Variants in PLEKHG4B observed in about 807,000 individuals in gnomAD.
The protein encoded by PLEKHG4B is pleckstrin homology domain-containing family G member 4B.
PLEKHG4B carries 111 observed loss-of-function variants against 121.3 expected under a neutral mutation model. The ratio of observed to expected loss-of-function variants is 0.92; its 90% CI spans 0.78 to 1.07. The LOEUF (loss-of-function observed/expected upper bound fraction) is 1.07, where lower values mean the gene tolerates loss of function less well. PLEKHG4B is among the 50% of genes least tolerant of loss of function. The probability of loss-of-function intolerance (pLI) is 0.00; values close to 1 mark genes in which losing one functional copy is unlikely to be tolerated. For synonymous variants in PLEKHG4B, 738 were observed against 725.0 expected (o/e 1.02, Z -0.29); for missense variants, 1,831 against 1,757.8 (o/e 1.04, Z -0.74).
rs1308046799 is a variant in PLEKHG4B at position 182,761 on chromosome 5, C to T, written c.*438C>T. 1 of 184,778 alleles carries T rather than the reference C, an allele frequency of 5.4e-6. No individual in the cohort carries two copies. Among genetic ancestry groups the T allele is most frequent in the Non-Finnish European group, 1.2e-5 (1 of 85,860 alleles). The allele number at this position is 184,778 out of a possible 1,614,324, so 11.4% of individuals were successfully genotyped here. A position where few individuals can be genotyped will look rare whatever the true frequency, so the allele number is the denominator to read the frequency against. The stretch of plus-strand genomic sequence containing the variant: ...GTGCAGGGAGGGGCCCAGGAAGAGC[C>T]CAGCAGCCTCCGTGAGTTGAAGAGA... On this transcript the variant is annotated 3_prime_UTR_variant, in exon 20 of 20. Transcript: ENST00000637938.
chr5:98,837 C>CTTTTTTTTTTTTTTTTTTTTT (rs925964165), intron 1 of PLEKHG4B, among the ~76,000 whole-genome samples: 1 of 79,298 alleles, frequency 1.3e-5, no homozygotes, highest in African/African-American at 5.2e-5. Flanking sequence ...TTGAATTTTC[C>CTTTTTTTTTTTTTTTTTTTTT]TTTTTTTTTT....
chr5:103,387 C>G (rs1733879774), intron 1 of PLEKHG4B, among the ~76,000 whole-genome samples: 1 of 152,082 alleles, frequency 6.6e-6, no homozygotes, highest in Non-Finnish European at 1.5e-5. Context: ...GGTATAGTGA[C>G]CCCCACTCTG....
chr5:181,432 G>A, intron 18 of PLEKHG4B, 82 bp from the exon 19 acceptor site: 1 of 1,437,488 alleles, frequency 7.0e-7, no homozygotes, highest in Non-Finnish European at 9.6e-7. Flanking sequence ...TTGGGCTGAG[G>A]GCATTAGGGG....
At chr5:130,066 A>AGAG (rs201171180) in intron 2 of PLEKHG4B, among the ~76,000 whole-genome samples, 1 of 152,020 alleles carries the variant, frequency 6.6e-6, no homozygotes, top group African/African-American at 2.4e-5. Flanking sequence ...ATATGAAGAG[A>AGAG]GAGTGAGAGA....
chr5:142,738 C>T (rs1428329139), intron 3 of PLEKHG4B, among the ~76,000 whole-genome samples: 2 of 152,232 alleles, frequency 1.3e-5, no homozygotes, highest in East Asian at 1.9e-4. Flanking sequence ...TGCAGTCACG[C>T]ATGCTGCACT....
At chr5:147,438 G>A (rs1175779757) in intron 6 of PLEKHG4B, among the ~76,000 whole-genome samples, 1 of 152,232 alleles carries the variant, frequency 6.6e-6, no homozygotes, top group South Asian at 2.1e-4. Context: ...GCTAGGGGAG[G>A]AAACAGAGCT....
Position 157,406 on chromosome 5 carries a change from G to C in PLEKHG4B, c.2487+495G>C, listed in dbSNP as rs1326664850. ...AAGAAAAGAGGACAAATCGGGAGGG[G>C]GTGATGACGGAAGTGGCTTTTCATG... On this transcript the variant is annotated intron_variant, in intron 11 of 19. Coordinates refer to ENST00000637938, the MANE Select transcript of PLEKHG4B (RefSeq NM_052909.5). This position sits in a 1 kb window ranked among gnomAD's most constrained non-coding sequence, Gnocchi z 4.6. 6.6e-6 allele frequency among the ~76,000 whole-genome samples: 1 copy of C among 152,146 alleles called. No homozygotes were observed. Among genetic ancestry groups the C allele is most frequent in the Non-Finnish European group, 1.5e-5 (1 of 68,042 alleles).
chr5:122,417 A>G (rs1305750163), intron 2 of PLEKHG4B, among the ~76,000 whole-genome samples: 1 of 151,636 alleles, frequency 6.6e-6, no homozygotes, highest in Non-Finnish European at 1.5e-5. Context: ...TTATTTATTT[A>G]TTTATTTATT....
chr5:105,422 T>C (rs1478329717), intron 1 of PLEKHG4B, among the ~76,000 whole-genome samples: 3 of 152,274 alleles, frequency 2.0e-5, no homozygotes, highest in African/African-American at 7.2e-5. Context: ...AGAAACCATA[T>C]TGATGATTTA....
chr5:144,708 A>G (rs1579285654), intron 5 of PLEKHG4B, 119 bp from the exon 6 acceptor site: 2 of 795,144 alleles, frequency 2.5e-6, no homozygotes, highest in Admixed American at 4.8e-5. Context: ...TGTATAGAGA[A>G]CCCCTAACTT....
intron 16 of PLEKHG4B, among the ~76,000 whole-genome samples, chr5:172,582 G>C (rs938360070): frequency 6.6e-6 from 1 of 152,208 alleles, no homozygotes; most frequent in Non-Finnish European, 1.5e-5. Context: ...GGGAACGGGG[G>C]CCGGGGTGGG....
intron 18 of PLEKHG4B, chr5:179,455 C>T (rs1217060177): frequency 6.6e-6 from 1 of 152,668 alleles, no homozygotes; most frequent in Non-Finnish European, 1.5e-5. Flanking sequence ...CCCCCACATA[C>T]TGAAGGACCT....
intron 13 of PLEKHG4B, among the ~76,000 whole-genome samples, chr5:166,385 G>C (rs1214227505): frequency 2.7e-4 from 20 of 74,826 alleles, no homozygotes; most frequent in Non-Finnish European, 4.3e-4. Context: ...GGGGCTCACA[G>C]TAATCCTCTG....
In PLEKHG4B at chr5:184,004, G is replaced by GATAGATAGAT. The variant is rs1733530946; in HGVS notation, c.*1683_*1692dup. 1.3e-5 allele frequency: 2 copies of GATAGATAGAT among 151,276 alleles called. No homozygotes were observed. Among genetic ancestry groups the GATAGATAGAT allele is most frequent in the African/African-American group, 4.9e-5 (2 of 40,898 alleles). The allele number at this position is 151,276 out of a possible 1,614,324, so 9.4% of individuals were successfully genotyped here. On this transcript the variant is annotated 3_prime_UTR_variant, in exon 20 of 20. Coordinates refer to ENST00000637938, the MANE Select transcript of PLEKHG4B (RefSeq NM_052909.5). ...AGATAGATAGATCGATAGATAGATAGATAGATAGATAGATAGATAGATAGA... is the reference window on the plus strand; with the variant it reads ...AGATAGATAGATCGATAGATAGATAGATAGATAGATATAGATAGATAGATAGATAGATAGA...
intron 2 of PLEKHG4B, among the ~76,000 whole-genome samples, chr5:126,954 A>G (rs1340170358): frequency 6.6e-6 from 1 of 152,154 alleles, no homozygotes; most frequent in Non-Finnish European, 1.5e-5. Context: ...CAGGTGTGAC[A>G]TTTACATAGT....
At chr5:160,435 C>T (rs1270526532) in intron 11 of PLEKHG4B, among the ~76,000 whole-genome samples, 1 of 152,238 alleles carries the variant, frequency 6.6e-6, no homozygotes, top group Non-Finnish European at 1.5e-5. Context: ...CCGCACCTGC[C>T]TCCCGCCGGC....
In PLEKHG4B at chr5:173,953, C is replaced by T. The variant is rs1391463861; in HGVS notation, c.4257C>T (p.Asp1419=). The part of the protein sequence containing the change: ...AEIGMTENVG[D]SGLRFEIWFR... ...TCGGGATGACAGAGAACGTCGGGGACAGTGGCTTGAGGTTTGAGATTTGGT... is the reference window on the plus strand; with the variant it reads ...TCGGGATGACAGAGAACGTCGGGGATAGTGGCTTGAGGTTTGAGATTTGGT... Residue 1419 remains aspartate, a synonymous_variant, in exon 18 of 20, where the codon GAC becomes GAT. Transcript: ENST00000637938. 8 of 1,613,336 alleles carry T rather than the reference C, an allele frequency of 5.0e-6. No homozygotes were observed. Among genetic ancestry groups the T allele is most frequent in the Non-Finnish European group, 6.8e-6 (8 of 1,179,906 alleles).
Position 177,876 on chromosome 5 carries a change from C to T in PLEKHG4B, c.4403-3638C>T, listed in dbSNP as rs567051453. Among the ~76,000 whole-genome samples the T allele has an allele frequency of 2.0e-5, 3 of 152,250 alleles. No homozygotes were observed. In the South Asian group the frequency reaches 6.2e-4, roughly 32 times the overall value. On this transcript the variant is annotated intron_variant, in intron 18 of 19. Coordinates refer to ENST00000637938, the MANE Select transcript of PLEKHG4B (RefSeq NM_052909.5). ...AAGTTGTACGCATCCCCATCTGAGA[C>T]TTTCGTCCCTTTTCTGTTGGGGGAA...
chr5:163,565 C>T lies in PLEKHG4B; in HGVS notation c.3476+17C>T, dbSNP rs368003223. 1 of 1,545,582 alleles carries T rather than the reference C, an allele frequency of 6.5e-7. No individual in the cohort carries two copies. The highest frequency in any genetic ancestry group is 8.7e-7 in the Non-Finnish European group (1 of 1,145,582). On this transcript the variant is annotated intron_variant, in intron 13 of 19. Transcript: ENST00000637938. ...GGTGGGCAGGTGAGGTGGACGTCCCCCTCCTCTCGTCCTAGCAGTCCTTGG... is the reference window on the plus strand; with the variant it reads ...GGTGGGCAGGTGAGGTGGACGTCCCTCTCCTCTCGTCCTAGCAGTCCTTGG...
Sources: allele counts gnomAD v4.1 joint callset (sites outside exome capture counted in the v4.1 genomes callset), GRCh38; gene constraint gnomAD v4.1.1; non-coding constraint Gnocchi (gnomAD v3.1); transcripts MANE v1.5; gene names NCBI Gene and HGNC (gene_info 2026-07-23, HGNC 2026-07-21).